ELF4: variants seen among roughly 807,000 people sequenced by gnomAD.
ELF4 encodes E74 like ETS transcription factor 4.
In ELF4, 10 loss-of-function variants were observed where a neutral mutation model predicts 31.7. The ratio of observed to expected loss-of-function variants is 0.32; its 90% CI spans 0.19 to 0.54. ELF4 has a LOEUF of 0.54. Among genes scored for constraint, ELF4 ranks in the 20% least tolerant of loss-of-function variants. The probability of loss-of-function intolerance (pLI) is 0.95; values close to 1 mark genes in which losing one functional copy is unlikely to be tolerated. For synonymous variants in ELF4, 208 were observed against 226.7 expected, an observed-to-expected ratio of 0.92 and a Z score of 0.74; for missense variants, 418 against 522.0, an observed-to-expected ratio of 0.80 and a Z score of 1.94.
intron 1 of ELF4, among the ~76,000 whole-genome samples, chrX:130,107,677 T>C (rs1933400413): frequency 8.9e-6 from 1 of 112,378 alleles, no homozygotes; most frequent in African/African-American, 3.2e-5. Context: ...GTTTGCTGAA[T>C]TGAATCTGAG....
chrX:130,072,166 C>A, intron 5 of ELF4, 60 bp downstream of exon 5: 1 of 1,083,395 alleles, frequency 9.2e-7, no homozygotes, highest in Non-Finnish European at 1.3e-6. Flanking sequence ...GCCCTGACCG[C>A]CCCCCCACGC....
rs1404497012 is a variant in ELF4, at chrX:130,067,042, C to T, written c.1671G>A (p.Glu557=). ...GGGTCTCTTCAGGAACCAGCAGCCC[C>T]TCCATGGGGGCCCCCGTCACCATAC... ...VQGMVTGAPM[E]GLLVPEETLR... The change falls in exon 9 of 9, where the codon GAG becomes GAA. Residue 557 remains glutamate (E), a synonymous_variant. Transcript: ENST00000308167. The T allele has an allele frequency of 8.2e-7, 1 of 1,212,359 alleles. No individual in the cohort carries two copies. Among genetic ancestry groups the T allele is most frequent in the African/African-American group, 1.7e-5 (1 of 58,013 alleles).
At chrX:130,081,800 C>T (rs984362129) in intron 1 of ELF4, among the ~76,000 whole-genome samples, 2 of 112,134 alleles carry the variant, frequency 1.8e-5, no homozygotes, top group African/African-American at 3.2e-5. Context: ...TCACCAGCAT[C>T]GGCATCTCGC....
chrX:130,107,341 C>T (rs779736779), intron 1 of ELF4, among the ~76,000 whole-genome samples: 246 of 111,292 alleles, frequency 2.2e-3, no homozygotes, highest in Non-Finnish European at 3.9e-3. Context: ...CACCCAAATC[C>T]TAGGGCAAGA....
Position 130,102,879 on chromosome X carries a change from AGAGAG to A in ELF4, c.-210+7441_-210+7445del, listed in dbSNP as rs1569410561. 4.6e-3 allele frequency among the ~76,000 whole-genome samples: 325 copies of A among 70,063 alleles called. 1 individual carries two copies. Among genetic ancestry groups the A allele is most frequent in the South Asian group, 0.012 (17 of 1,435 alleles). The allele number at this position is 70,063 out of a possible 115,157, so 60.8% of individuals were successfully genotyped here. ...GAGAGAGAGAGAGAGAGAGAGAGAG[AGAGAG>A]AGAAAGAAAGAAAGAAAGAAAGAAA... On this transcript the variant is annotated intron_variant, in intron 1 of 8. Coordinates refer to ENST00000308167, the MANE Select transcript of ELF4 (RefSeq NM_001421.4).
At chrX:130,078,048 T>C (rs1375915146) in intron 2 of ELF4, among the ~76,000 whole-genome samples, 1 of 110,040 alleles carries the variant, frequency 9.1e-6, no homozygotes, top group Non-Finnish European at 1.9e-5. Context: ...TCTTTTTCTT[T>C]TCTTTTTTTT....
Position 130,075,315 on chromosome X carries a change from C to T in ELF4, c.76-563G>A, listed in dbSNP as rs1240565873. ...TTTTTGAGACGGAGTCTCACTCTGT[C>T]GCCCAGGCTGGAGGGCAGTGGCGCA... On this transcript the variant is annotated intron_variant, in intron 2 of 8. Transcript: ENST00000308167. Among the ~76,000 whole-genome samples, 4 of 99,836 alleles carry T rather than the reference C, an allele frequency of 4.0e-5. No individual in the cohort carries two copies. The East Asian group carries it at 1.3e-3, about 32-fold the overall frequency. 86.7% of individuals were successfully genotyped at this position (99,836 alleles called of 115,157 possible). A position where few individuals can be genotyped will look rare whatever the true frequency, so the allele number is the denominator to read the frequency against.
chrX:130,092,921 C>T (rs1379698152), intron 1 of ELF4, among the ~76,000 whole-genome samples: 1 of 110,687 alleles, frequency 9.0e-6, no homozygotes, highest in Non-Finnish European at 1.9e-5. Context: ...CATGCACACT[C>T]AAGTCCCGCA....
intron 1 of ELF4, among the ~76,000 whole-genome samples, chrX:130,093,546 A>G (rs1933095444): frequency 9.0e-6 from 1 of 111,443 alleles, no homozygotes; most frequent in African/African-American, 3.3e-5. Context: ...TGTGCCTGTG[A>G]GGTTATTGTG....
In ELF4 at chrX:130,090,099, CG is replaced by C. The variant is rs759781186; in HGVS notation, c.-209-8561del. 2.3e-3 allele frequency among the ~76,000 whole-genome samples: 255 copies of C among 110,154 alleles called. 1 individual carries two copies. Among genetic ancestry groups the C allele is most frequent in the African/African-American group, 8.0e-3 (241 of 30,198 alleles). Reference sequence around the variant, plus strand: ...TAAAAATACAAAAATTAGGGCCAGGCGTGGTGGCTCACGTCTGTAATCCTAG... The same window carrying C: ...TAAAAATACAAAAATTAGGGCCAGGCTGGTGGCTCACGTCTGTAATCCTAG... On this transcript the variant is annotated intron_variant, in intron 1 of 8. Transcript: ENST00000308167.
chrX:130,063,976 TTA>T lies in ELF4; in HGVS notation c.*2743_*2744del, dbSNP rs1932608604. On this transcript the variant is annotated 3_prime_UTR_variant, in exon 9 of 9. Coordinates refer to ENST00000308167, the MANE Select transcript of ELF4 (RefSeq NM_001421.4). ...GGCCTTTTTGTTTGCTTGATTTTTA[TTA>T]TTATTATTATTATTATTATTATTAT... is the stretch of plus-strand genomic sequence containing the variant. Among the ~76,000 whole-genome samples the T allele has an allele frequency of 2.1e-5, 1 of 48,039 alleles. No homozygotes were observed. Among genetic ancestry groups the T allele is most frequent in the African/African-American group, 2.4e-4 (1 of 4,247 alleles). 41.7% of individuals were successfully genotyped at this position (48,039 alleles called of 115,157 possible).
At chrX:130,070,575 AAAATAAAT>A (rs755353535) in intron 7 of ELF4, among the ~76,000 whole-genome samples, 2 of 103,447 alleles carry the variant, frequency 1.9e-5, no homozygotes, top group Non-Finnish European at 3.9e-5. Context: ...ACTCCGTCTC[AAAATAAAT>A]AAATAAATAA....
At chrX:130,092,737 G>C (rs898366113) in intron 1 of ELF4, among the ~76,000 whole-genome samples, 3 of 111,747 alleles carry the variant, frequency 2.7e-5, no homozygotes, top group Admixed American at 9.5e-5. Context: ...TGAAGCAAGA[G>C]GATGAGAGGT....
chrX:130,069,373 C>T lies in ELF4; in HGVS notation c.1114G>A (p.Glu372Lys), dbSNP rs777888757. Residue 372 changes from glutamate to lysine, a missense_variant, in exon 8 of 9, where the codon GAG (glutamate) becomes AAG (lysine). Transcript: ENST00000308167. The part of the protein sequence containing the change: ...ASLELGPSLD[E>K]EIPTTSTMLV... Reference sequence around the variant, plus strand: ...ATGGTGGAGGTAGTGGGGATCTCCTCGTCTAGCGACGGTCCCAATTCCAGA... The same window carrying T: ...ATGGTGGAGGTAGTGGGGATCTCCTTGTCTAGCGACGGTCCCAATTCCAGA... 8.3e-6 allele frequency: 10 copies of T among 1,210,837 alleles called. No individual in the cohort carries two copies. Among genetic ancestry groups the T allele is most frequent in the Middle Eastern group, 2.3e-4 (1 of 4,347 alleles).
intron 8 of ELF4, among the ~76,000 whole-genome samples, chrX:130,068,535 C>G (rs968273858): frequency 8.9e-6 from 1 of 112,083 alleles, no homozygotes; most frequent in Admixed American, 9.4e-5. Flanking sequence ...CTGCCCTCCT[C>G]GAAAGGGTGT....
intron 3 of ELF4, 109 bp from the exon 4 acceptor site, chrX:130,074,250 T>C: frequency 1.2e-6 from 1 of 855,276 alleles, no homozygotes; most frequent in Non-Finnish European, 1.7e-6. Context: ...GTGGTAAGCA[T>C]CCTTCGGGCT....
At chrX:130,078,639 C>G (rs1932856041) in intron 2 of ELF4, among the ~76,000 whole-genome samples, 2 of 110,730 alleles carry the variant, frequency 1.8e-5, no homozygotes, top group Non-Finnish European at 3.8e-5. Flanking sequence ...CGCCTGTAAT[C>G]CCAGCTACTT....
intron 1 of ELF4, among the ~76,000 whole-genome samples, chrX:130,086,389 C>G (rs1299558562): frequency 8.9e-6 from 1 of 112,089 alleles, no homozygotes; most frequent in South Asian, 3.7e-4. Context: ...GCTCTCACAC[C>G]CTGCTCAGCT....
chrX:130,067,303 T>C lies in ELF4; in HGVS notation c.1410A>G (p.Gln470=), dbSNP rs1932704138. The C allele has an allele frequency of 8.3e-7, 1 of 1,210,701 alleles. No homozygotes were observed. Among genetic ancestry groups the C allele is most frequent in the Admixed American group, 2.2e-5 (1 of 45,912 alleles). Residue 470 remains glutamine, a synonymous_variant, in exon 9 of 9, where the codon CAA becomes CAG. Transcript: ENST00000308167. ...QASFPLNASF[Q]DSQVAAPGAP... Reference sequence around the variant, plus strand: ...CCCCTGGGGCTGCCACCTGGCTGTCTTGGAAACTGGCGTTCAGGGGGAAAG... The same window carrying C: ...CCCCTGGGGCTGCCACCTGGCTGTCCTGGAAACTGGCGTTCAGGGGGAAAG...
Sources: gnomAD v4.1 joint callset for allele counts (sites outside exome capture counted in the v4.1 genomes callset) on GRCh38, gnomAD v4.1.1 for gene constraint, MANE v1.5 for transcripts, NCBI Gene and HGNC (gene_info 2026-07-23, HGNC 2026-07-21) for gene names.